Variants in RBL1 observed in about 807,000 individuals in gnomAD.
RBL1 encodes RB transcriptional corepressor like 1.
RBL1 carries 82 observed loss-of-function variants against 123.0 expected under a neutral mutation model. The observed-to-expected ratio is 0.67, with a 90% CI of 0.56 to 0.80. The LOEUF (loss-of-function observed/expected upper bound fraction) is 0.80, where lower values mean the gene tolerates loss of function less well. Among genes scored for constraint, RBL1 ranks in the 30% least tolerant of loss-of-function variants. The pLI is 0.00. For missense variants in RBL1, 1,171 were observed against 1,299.6 expected (o/e 0.90, Z 1.52); for synonymous variants, 405 against 441.3 (o/e 0.92, Z 1.03).
At chr20:37,005,193 G>T (rs1003870769) in intron 20 of RBL1, among the ~76,000 whole-genome samples, 1 of 152,074 alleles carries the variant, frequency 6.6e-6, no homozygotes, top group Non-Finnish European at 1.5e-5. Flanking sequence ...TGGATCATGA[G>T]GTCAGGAGTT....
chr20:37,065,496 G>A, intron 6 of RBL1, 23 bp from the exon 7 acceptor site: 1 of 1,549,630 alleles, frequency 6.5e-7, no homozygotes, highest in African/African-American at 1.4e-5. Flanking sequence ...AATTATTTTG[G>A]GACACCATAT....
intron 21 of RBL1, among the ~76,000 whole-genome samples, chr20:37,001,936 A>T (rs867677094): frequency 6.6e-6 from 1 of 151,208 alleles, no homozygotes; most frequent in Non-Finnish European, 1.5e-5. Context: ...AAAAAAAAAA[A>T]AAAAAACAAA....
Position 37,065,423 on chromosome 20 carries a change from C to T in RBL1, c.896+1G>A. The T allele has an allele frequency of 6.3e-7, 1 of 1,576,108 alleles. No individual in the cohort carries two copies. Among genetic ancestry groups the T allele is most frequent in the Non-Finnish European group, 8.7e-7 (1 of 1,154,248 alleles). On this transcript the variant is annotated splice_donor_variant, in intron 7 of 21. Transcript: ENST00000373664. LOFTEE classifies it high-confidence loss of function. ...AGGCACCATTAGTACTAGATATTTACCTATTATCAGTAAAACTTGAAAGGT... is the reference window on the plus strand; with the variant it reads ...AGGCACCATTAGTACTAGATATTTATCTATTATCAGTAAAACTTGAAAGGT...
At chr20:37,068,236 T>C in intron 2 of RBL1, 50 bp from the exon 3 acceptor site, 7 of 1,498,254 alleles carry the variant, frequency 4.7e-6, no homozygotes, top group Non-Finnish European at 6.2e-6. Context: ...TTCATTTAAA[T>C]AATGGATTGA....
At chr20:37,081,734 A>T (rs560139466) in intron 2 of RBL1, among the ~76,000 whole-genome samples, 1 of 152,310 alleles carries the variant, frequency 6.6e-6, no homozygotes, top group East Asian at 1.9e-4. Context: ...TTGCCATTCC[A>T]ATCAAAGCCT....
intron 2 of RBL1, among the ~76,000 whole-genome samples, chr20:37,072,919 A>G (rs1600582495): frequency 1.3e-5 from 2 of 152,082 alleles, no homozygotes; most frequent in African/African-American, 4.8e-5. Flanking sequence ...CACCTATCCA[A>G]TACTTCTTTT....
intron 19 of RBL1, among the ~76,000 whole-genome samples, chr20:37,009,670 T>C (rs1003025769): frequency 1.3e-5 from 2 of 151,900 alleles, no homozygotes; most frequent in Non-Finnish European, 2.9e-5. Context: ...TAAAATTATT[T>C]AATGTCCTCC....
intron 18 of RBL1, among the ~76,000 whole-genome samples, chr20:37,020,248 C>A (rs556474958): frequency 6.6e-6 from 1 of 152,120 alleles, no homozygotes; most frequent in South Asian, 2.1e-4. Flanking sequence ...GACACCACGC[C>A]TGGCTAATTT....
intron 1 of RBL1, among the ~76,000 whole-genome samples, chr20:37,093,759 A>G (rs920266379): frequency 1.3e-5 from 2 of 151,016 alleles, no homozygotes; most frequent in Admixed American, 6.7e-5. Context: ...CTCCTGCCTC[A>G]GCCTCCTGAG....
intron 19 of RBL1, among the ~76,000 whole-genome samples, chr20:37,008,897 G>A (rs1409527967): frequency 6.6e-6 from 1 of 152,078 alleles, no homozygotes; most frequent in Non-Finnish European, 1.5e-5. Flanking sequence ...ATATTATATT[G>A]GAAATTCAGA....
intron 16 of RBL1, among the ~76,000 whole-genome samples, chr20:37,029,409 TG>T (rs2064471400): frequency 6.6e-6 from 1 of 152,192 alleles, no homozygotes. Context: ...GAAAAAAATC[TG>T]TATATAAGTG....
intron 11 of RBL1, among the ~76,000 whole-genome samples, chr20:37,053,372 C>T (rs1357860567): frequency 6.6e-6 from 1 of 152,170 alleles, no homozygotes; most frequent in Non-Finnish European, 1.5e-5. Flanking sequence ...CTGGTTTCTT[C>T]TTACATTCCA....
intron 8 of RBL1, 51 bp downstream of exon 8, chr20:37,062,033 C>A (rs775849884): frequency 2.0e-6 from 3 of 1,520,658 alleles, no homozygotes; most frequent in African/African-American, 2.8e-5. Flanking sequence ...TAGAATCACA[C>A]ACAGAGAGAA....
At chr20:37,038,445 C>T (rs2064665756) in intron 14 of RBL1, among the ~76,000 whole-genome samples, 1 of 140,302 alleles carries the variant, frequency 7.1e-6, no homozygotes, top group African/African-American at 2.7e-5. Flanking sequence ...GGATTACAGG[C>T]ACCTGCCACC....
chr20:37,028,148 T>G (rs2064454242), intron 16 of RBL1, among the ~76,000 whole-genome samples: 1 of 152,160 alleles, frequency 6.6e-6, no homozygotes, highest in Admixed American at 6.6e-5. Context: ...GCAGATCACC[T>G]GAGGTCAGGA....
In RBL1 at chr20:36,998,518, C is replaced by A; in HGVS notation, c.*241G>T. Reference sequence around the variant, plus strand: ...GGATTACAGGCGTGAGCCACAGCGCCTGGCCGGACTATTAGTATTTTTAAA... The same window carrying A: ...GGATTACAGGCGTGAGCCACAGCGCATGGCCGGACTATTAGTATTTTTAAA... On this transcript the variant is annotated 3_prime_UTR_variant, in exon 22 of 22. Coordinates refer to ENST00000373664, the MANE Select transcript of RBL1 (RefSeq NM_002895.5). 1 of 378,788 alleles carries A rather than the reference C, an allele frequency of 2.6e-6. No individual in the cohort carries two copies. The highest frequency in any genetic ancestry group is 4.5e-5 in the Admixed American group (1 of 22,170). The allele number at this position is 378,788 out of a possible 1,614,324, so 23.5% of individuals were successfully genotyped here.
chr20:37,079,245 G>A (rs1330900252), intron 2 of RBL1, among the ~76,000 whole-genome samples: 2 of 150,090 alleles, frequency 1.3e-5, no homozygotes, highest in Non-Finnish European at 3.0e-5. Flanking sequence ...TAACAGCAGT[G>A]TAGACAAAAA....
intron 2 of RBL1, among the ~76,000 whole-genome samples, chr20:37,070,829 T>C (rs945232767): frequency 1.8e-4 from 28 of 152,278 alleles, no homozygotes; most frequent in Middle Eastern, 3.4e-3. Context: ...AACGTGGTCT[T>C]AGATAGAAAA....
In RBL1 at chr20:37,020,378, C is replaced by T. The variant is rs138578722; in HGVS notation, c.2631+281G>A. Among the ~76,000 whole-genome samples, 761 of 152,040 alleles carry T rather than the reference C, an allele frequency of 5.0e-3. 12 individuals carry two copies. The highest frequency in any genetic ancestry group is 0.031 in the East Asian group (158 of 5,164). On this transcript the variant is annotated intron_variant, in intron 18 of 21. Coordinates refer to ENST00000373664, the MANE Select transcript of RBL1 (RefSeq NM_002895.5). ...TGCTGGGATTACAGGCGTGAGACAC[C>T]GCACCCAGCCATTATACATATCTTT...
Sources: gnomAD v4.1 joint callset for allele counts (sites outside exome capture counted in the v4.1 genomes callset) on GRCh38, gnomAD v4.1.1 for gene constraint, MANE v1.5 for transcripts, NCBI Gene and HGNC (gene_info 2026-07-23, HGNC 2026-07-21) for gene names.